The following ILRUN variants were observed in gnomAD, a reference collection of about 807,000 sequenced individuals.
ILRUN encodes inflammation and lipid regulator with UBA-like and NBR1-like domains, also known as protein ILRUN.
Under a neutral mutation model 33.8 loss-of-function variants are expected in ILRUN, and 3 were observed. The ratio of observed to expected loss-of-function variants is 0.09; its 90% confidence interval spans 0.04 to 0.23. The LOEUF (loss-of-function observed/expected upper bound fraction) is 0.23. Ranked by LOEUF, ILRUN falls within the 10% of genes least tolerant of loss-of-function variation. ILRUN has a pLI of 1.00. For synonymous variants in ILRUN, 124 were observed against 138.9 expected (o/e 0.89, Z 0.75); for missense variants, 210 against 375.1 (o/e 0.56, Z 3.64).
rs1041730515 is a variant in ILRUN at position 34,592,143 on chromosome 6, C to G, written c.862-1543G>C. Among the ~76,000 whole-genome samples the G allele has an allele frequency of 6.6e-6, 1 of 152,162 alleles. No individual in the cohort carries two copies. Among genetic ancestry groups the G allele is most frequent in the Non-Finnish European group, 1.5e-5 (1 of 68,040 alleles). Reference sequence around the variant, plus strand: ...AGAAGGACATCTCTAGCTGCTTGGTCGTATCACTAAACTAAACAAAAAATC... The same window carrying G: ...AGAAGGACATCTCTAGCTGCTTGGTGGTATCACTAAACTAAACAAAAAATC... On this transcript the variant is annotated intron_variant, in intron 4 of 4. Transcript: ENST00000374023. The surrounding 1 kb of genome is among the most constrained non-coding windows in gnomAD (Gnocchi z 4.0).
Position 34,669,453 on chromosome 6 carries a change from C to T in ILRUN, c.159-14674G>A, listed in dbSNP as rs958025300. Among the ~76,000 whole-genome samples, 5 of 152,132 alleles carry T rather than the reference C, an allele frequency of 3.3e-5. No individual in the cohort carries two copies. In the East Asian group the frequency reaches 9.6e-4, roughly 29 times the overall value. On this transcript the variant is annotated intron_variant, in intron 1 of 4. Transcript: ENST00000374023. ...CTGAGGCCTTCTTTTGACAGGGCAG[C>T]TGTTGTGGAGGCTCTGCCCAAGAGA...
At chr6:34,611,042 TCCCCC>T (rs1456836100) in intron 3 of ILRUN, among the ~76,000 whole-genome samples, 4 of 107,882 alleles carry the variant, frequency 3.7e-5, no homozygotes, top group African/African-American at 2.0e-4. Flanking sequence ...GAGACTTCTT[TCCCCC>T]TCCCCCTCCC....
chr6:34,604,589 C>T (rs1761585840), intron 4 of ILRUN, among the ~76,000 whole-genome samples: 1 of 152,232 alleles, frequency 6.6e-6, no homozygotes, highest in Non-Finnish European at 1.5e-5. Flanking sequence ...TCTAACAAAG[C>T]ATGCTTAGCC....
chr6:34,691,211 A>G (rs1420239986), intron 1 of ILRUN, among the ~76,000 whole-genome samples: 1 of 152,154 alleles, frequency 6.6e-6, no homozygotes, highest in African/African-American at 2.4e-5. Context: ...CTCTTAAGTC[A>G]GTTTCCGGTT....
intron 3 of ILRUN, among the ~76,000 whole-genome samples, chr6:34,639,852 C>G (rs1341844094): frequency 6.6e-6 from 1 of 152,188 alleles, no homozygotes; most frequent in Non-Finnish European, 1.5e-5. Context: ...TTAAGCCTCT[C>G]TGGTCTTTAG....
intron 3 of ILRUN, among the ~76,000 whole-genome samples, chr6:34,634,630 G>C (rs532273371): frequency 6.6e-6 from 1 of 152,180 alleles, no homozygotes; most frequent in African/African-American, 2.4e-5. Flanking sequence ...ATCAAACATA[G>C]ATGTTAAAAG....
rs1044300554 is a variant in ILRUN, at chr6:34,686,966, G to T, written c.158+9480C>A. On this transcript the variant is annotated intron_variant, in intron 1 of 4. Coordinates refer to ENST00000374023, the MANE Select transcript of ILRUN (RefSeq NM_024294.4). ...GACTAAGCCAATTTCCCAGAAAAAG[G>T]TTAAAACTATAAAGAAGATTGTGCT... 6.7e-5 allele frequency: 13 copies of T among 193,974 alleles called. No individual in the cohort carries two copies. In the South Asian group the frequency reaches 1.4e-3, roughly 21 times the overall value. The allele number at this position is 193,974 out of a possible 1,614,324, so 12.0% of individuals were successfully genotyped here.
intron 4 of ILRUN, among the ~76,000 whole-genome samples, chr6:34,598,824 G>A (rs1432565734): frequency 2.0e-5 from 3 of 152,220 alleles, no homozygotes; most frequent in Non-Finnish European, 4.4e-5. Context: ...TCATGCCAAT[G>A]TAAACACCAG....
At chr6:34,673,339 C>A (rs10947512) in intron 1 of ILRUN, among the ~76,000 whole-genome samples, 1 of 152,084 alleles carries the variant, frequency 6.6e-6, no homozygotes, top group Non-Finnish European at 1.5e-5. Flanking sequence ...GAAAAGAATT[C>A]TTCAAAAAGA....
At chr6:34,648,389 A>G (rs1762599711) in intron 2 of ILRUN, among the ~76,000 whole-genome samples, 1 of 152,188 alleles carries the variant, frequency 6.6e-6, no homozygotes, top group African/African-American at 2.4e-5. Context: ...AAAGGCAACC[A>G]GAGTTCTACT....
In ILRUN at chr6:34,614,461, GTATAT is replaced by G. The variant is rs914831261; in HGVS notation, c.512-7562_512-7558del. Among the ~76,000 whole-genome samples, 47 of 125,550 alleles carry G rather than the reference GTATAT, an allele frequency of 3.7e-4. 2 individuals are homozygous for G. Among genetic ancestry groups the G allele is most frequent in the African/African-American group, 1.0e-3 (30 of 29,112 alleles). 82.4% of individuals were successfully genotyped at this position (125,550 alleles called of 152,430 possible). A position where few individuals can be genotyped will look rare whatever the true frequency, so the allele number is the denominator to read the frequency against. ...AAAAAAAAATATATATATATAAAAT[GTATAT>G]TATATATTTTTTATATATTATTATA... On this transcript the variant is annotated intron_variant, in intron 3 of 4. Coordinates refer to ENST00000374023, the MANE Select transcript of ILRUN (RefSeq NM_024294.4).
chr6:34,628,823 G>A (rs13191868), intron 3 of ILRUN, among the ~76,000 whole-genome samples: 3 of 151,244 alleles, frequency 2.0e-5, no homozygotes, highest in Non-Finnish European at 4.4e-5. Context: ...AAATTGTAGA[G>A]AATTAGTATA....
chr6:34,630,542 C>A (rs1318891107), intron 3 of ILRUN, among the ~76,000 whole-genome samples: 1 of 152,172 alleles, frequency 6.6e-6, no homozygotes, highest in African/African-American at 2.4e-5. Context: ...TACCACCATA[C>A]CCAGCTAATT....
intron 1 of ILRUN, among the ~76,000 whole-genome samples, chr6:34,674,644 T>C (rs1052434621): frequency 6.6e-6 from 1 of 152,242 alleles, no homozygotes; most frequent in Non-Finnish European, 1.5e-5. Flanking sequence ...AACCCCTTGT[T>C]GCTTTTAACA....
chr6:34,678,229 C>T (rs1259738776), intron 1 of ILRUN, among the ~76,000 whole-genome samples: 22 of 152,130 alleles, frequency 1.4e-4, no homozygotes, highest in Admixed American at 7.2e-4. Context: ...TTAGTAGAGA[C>T]GGGGTTTCAC....
chr6:34,647,383 A>G (rs1370034524), intron 2 of ILRUN, among the ~76,000 whole-genome samples: 1 of 152,198 alleles, frequency 6.6e-6, no homozygotes, highest in Non-Finnish European at 1.5e-5. Flanking sequence ...AAAGGCAGTA[A>G]AAGTTTAGAC....
chr6:34,643,050 CT>C, intron 3 of ILRUN, among the ~76,000 whole-genome samples: 1 of 151,774 alleles, frequency 6.6e-6, no homozygotes, highest in East Asian at 1.9e-4. Flanking sequence ...AATCCCAGCA[CT>C]TTGGGAGGCC....
intron 3 of ILRUN, among the ~76,000 whole-genome samples, chr6:34,609,017 C>T (rs1761690435): frequency 6.6e-6 from 1 of 152,086 alleles, no homozygotes; most frequent in Admixed American, 6.5e-5. Flanking sequence ...TGTCTAGGAT[C>T]CTAAATAACT....
chr6:34,637,883 T>TGTA (rs1419120333), intron 3 of ILRUN, among the ~76,000 whole-genome samples: 1 of 151,568 alleles, frequency 6.6e-6, no homozygotes, highest in African/African-American at 2.4e-5. Flanking sequence ...TTGTTGTTGT[T>TGTA]GTTGTTGTTG....
Sources: gnomAD v4.1 joint callset for allele counts (sites outside exome capture counted in the v4.1 genomes callset) on GRCh38, gnomAD v4.1.1 for gene constraint, Gnocchi (gnomAD v3.1) non-coding constraint, MANE v1.5 for transcripts, NCBI Gene and HGNC (gene_info 2026-07-23, HGNC 2026-07-21) for gene names.